Variants in STEAP4 observed in about 807,000 individuals in gnomAD.
STEAP4 encodes the protein metalloreductase STEAP4.
A neutral mutation model predicts 43.6 loss-of-function variants in STEAP4; 36 were observed. The ratio of observed to expected loss-of-function variants is 0.83; its 90% CI spans 0.63 to 1.09. The LOEUF is 1.09. STEAP4 is among the 50% of genes least tolerant of loss of function. STEAP4 has a pLI of 0.00. For synonymous variants in STEAP4, 191 were observed against 196.7 expected, an observed-to-expected ratio of 0.97 and a Z score of 0.24; for missense variants, 495 against 546.5, an observed-to-expected ratio of 0.91 and a Z score of 0.94.
At chr7:88,300,683 C>G (rs1853017381) in intron 1 of STEAP4, among the ~76,000 whole-genome samples, 1 of 151,392 alleles carries the variant, frequency 6.6e-6, no homozygotes, top group Non-Finnish European at 1.5e-5. Flanking sequence ...CTTTTTTTTT[C>G]CTTAGAGAGG....
intron 1 of STEAP4, 48 bp from the exon 2 acceptor site, chr7:88,284,319 C>A: frequency 1.5e-6 from 2 of 1,322,214 alleles, no homozygotes; most frequent in South Asian, 1.4e-5. Context: ...ATGCTCTGTG[C>A]CTGGAAAATT....
chr7:88,305,896 T>G (rs190285219), intron 1 of STEAP4, among the ~76,000 whole-genome samples: 28 of 152,300 alleles, frequency 1.8e-4, no homozygotes, highest in African/African-American at 1.4e-4. Context: ...AGGAATAGTA[T>G]TCTTCCTCCC....
intron 2 of STEAP4, chr7:88,283,452 T>C: frequency 2.1e-6 from 1 of 479,356 alleles, no homozygotes; most frequent in South Asian, 3.5e-5. Flanking sequence ...TCTGTGTTTG[T>C]GGTGCCGCAT....
intron 1 of STEAP4, among the ~76,000 whole-genome samples, chr7:88,293,243 T>C (rs769762181): frequency 1.3e-5 from 2 of 152,220 alleles, no homozygotes; most frequent in Non-Finnish European, 2.9e-5. Flanking sequence ...TTATTTGCTC[T>C]CTGTGTGTCC....
rs1852459980 is a variant in STEAP4 at position 88,273,041 on chromosome 7, A to T, written c.*6357T>A. The T allele has an allele frequency of 6.6e-6, 1 of 152,232 alleles. No individual in the cohort carries two copies. Among genetic ancestry groups the T allele is most frequent in the South Asian group, 2.1e-4 (1 of 4,832 alleles). 9.4% of individuals were successfully genotyped at this position (152,232 alleles called of 1,614,324 possible). On this transcript the variant is annotated 3_prime_UTR_variant, in exon 5 of 5. Coordinates refer to ENST00000380079, the MANE Select transcript of STEAP4 (RefSeq NM_024636.4). Reference sequence around the variant, plus strand: ...ATCCATGAGGTACATAGTCATGTTTATGTATGTACAATGTATAGTGATCAG... The same window carrying T: ...ATCCATGAGGTACATAGTCATGTTTTTGTATGTACAATGTATAGTGATCAG...
chr7:88,299,520 A>C (rs1489152784), intron 1 of STEAP4, among the ~76,000 whole-genome samples: 1 of 152,226 alleles, frequency 6.6e-6, no homozygotes, highest in Non-Finnish European at 1.5e-5. Flanking sequence ...CACTATCAGA[A>C]AAACAGCTCT....
Position 88,273,367 on chromosome 7 carries a change from C to A in STEAP4, c.*6031G>T, listed in dbSNP as rs895216758. On this transcript the variant is annotated 3_prime_UTR_variant, in exon 5 of 5. Coordinates refer to ENST00000380079, the MANE Select transcript of STEAP4 (RefSeq NM_024636.4). ...AAAAATCATAAGGCCAAGTTTAATT[C>A]TGGGTTTCTATTTTATCACAATCTG... 6 of 152,106 alleles carry A rather than the reference C, an allele frequency of 3.9e-5. No homozygotes were observed. Among genetic ancestry groups the A allele is most frequent in the African/African-American group, 1.4e-4 (6 of 41,420 alleles). 9.4% of individuals were successfully genotyped at this position (152,106 alleles called of 1,614,324 possible). A position where few individuals can be genotyped will look rare whatever the true frequency, so the allele number is the denominator to read the frequency against.
chr7:88,283,425 T>G (rs891044598), intron 2 of STEAP4: 2 of 493,430 alleles, frequency 4.1e-6, no homozygotes, highest in Non-Finnish European at 7.0e-6. Flanking sequence ...TTCTCCACAC[T>G]GTGAGTAGTT....
chr7:88,290,276 CT>C (rs1852814012), intron 1 of STEAP4: 1 of 152,108 alleles, frequency 6.6e-6, no homozygotes, highest in African/African-American at 2.4e-5. Flanking sequence ...CTATTTTTTG[CT>C]TTGCCTCTTA....
intron 2 of STEAP4, 171 bp from the exon 3 acceptor site, chr7:88,283,339 G>A (rs552531354): frequency 2.8e-6 from 2 of 724,422 alleles, no homozygotes; most frequent in South Asian, 2.6e-5. Flanking sequence ...ACTTGTATGT[G>A]GTGTCTTAGA....
Position 88,280,950 on chromosome 7 carries a change from T to C in STEAP4, c.1114A>G (p.Asn372Asp), listed in dbSNP as rs1486698718. The change falls in exon 4 of 5, where the codon AAT becomes GAT. Residue 372 changes from asparagine (N) to aspartate (D), a missense_variant. By Grantham distance (23) the Asn-to-Asp change is conservative. Transcript: ENST00000380079. ...LGITSLPSVS[N>D]AVNWREFRFV... is the part of the protein sequence containing the mutation. ...CGGAACTCTCTCCAGTTGACTGCATTGCTAACAGATGGCAAAGAAGTGATT... is the reference window on the plus strand; with the variant it reads ...CGGAACTCTCTCCAGTTGACTGCATCGCTAACAGATGGCAAAGAAGTGATT... The C allele has an allele frequency of 6.2e-7, 1 of 1,611,986 alleles. No homozygotes were observed. Among genetic ancestry groups the C allele is most frequent in the African/African-American group, 1.3e-5 (1 of 74,772 alleles).
chr7:88,294,573 G>C (rs941509297), intron 1 of STEAP4, among the ~76,000 whole-genome samples: 2 of 152,056 alleles, frequency 1.3e-5, no homozygotes, highest in African/African-American at 4.8e-5. Flanking sequence ...TGTGTAAGCA[G>C]CCTGGGGCCA....
chr7:88,285,470 A>C (rs1459645210), intron 1 of STEAP4, among the ~76,000 whole-genome samples: 1 of 152,132 alleles, frequency 6.6e-6, no homozygotes. Flanking sequence ...ATTAAATATT[A>C]AAATTTTTAT....
At position 88,283,815 on chromosome 7, in the gene STEAP4, T is replaced by A. The variant is rs1161986563; in HGVS notation, c.455A>T (p.Gln152Leu). Residue 152 changes from glutamine (Q) to leucine (L), a missense_variant and splice_region_variant, in exon 2 of 5, where the codon CAG (glutamine) becomes CTG (leucine). Gln to Leu is a moderately radical substitution (Grantham distance 113). Transcript: ENST00000380079. Reference protein sequence around the residue: ...LQSGALDASRQVFVCGNDSKA... With the variant: ...LQSGALDASRLVFVCGNDSKA... ...GAGTGTAAATTTGTTTATTCTTACC[T>A]GCCGACTTGCATCCAGTGCTCCTGA... 1 of 1,608,830 alleles carries A rather than the reference T, an allele frequency of 6.2e-7. No homozygotes were observed. The highest frequency in any genetic ancestry group is 2.2e-5 in the East Asian group (1 of 44,808).
chr7:88,282,108 G>A (rs113068704), intron 3 of STEAP4: 6 of 152,456 alleles, frequency 3.9e-5, no homozygotes, highest in African/African-American at 1.5e-4. Flanking sequence ...ATACAGATCT[G>A]GACCCAAGCG....
chr7:88,284,312 C>T (rs1563498135), intron 1 of STEAP4, 41 bp from the exon 2 acceptor site: 3 of 1,377,326 alleles, frequency 2.2e-6, no homozygotes, highest in Non-Finnish European at 2.0e-6. Flanking sequence ...AATATAAATG[C>T]TCTGTGCCTG....
rs200227072 is a variant in STEAP4, at chr7:88,283,986, A to G, written c.284T>C (p.Val95Ala). Residue 95 changes from valine to alanine, a missense_variant, in exon 2 of 5, where the codon GTT (valine) becomes GCT (alanine). Coordinates refer to ENST00000380079, the MANE Select transcript of STEAP4 (RefSeq NM_024636.4). ...HYDFLTELTE[V>A]LNGKILVDIS... ...GTCTACCAATATTTTTCCATTGAGA[A>G]CCTCAGTTAATTCTGTGAGAAAATC... is the stretch of plus-strand genomic sequence containing the variant. The G allele has an allele frequency of 2.6e-5, 42 of 1,613,530 alleles. No individual in the cohort carries two copies. The highest frequency in any genetic ancestry group is 3.4e-5 in the Non-Finnish European group (40 of 1,179,784).
At chr7:88,289,552 G>A (rs150820642) in intron 1 of STEAP4, among the ~76,000 whole-genome samples, 67 of 152,204 alleles carry the variant, frequency 4.4e-4, no homozygotes, top group African/African-American at 1.5e-3. Flanking sequence ...TATTCTTACC[G>A]GAGCTTATCT....
Position 88,278,160 on chromosome 7 carries a change from T to G in STEAP4, c.*1238A>C, listed in dbSNP as rs1852545707. The G allele has an allele frequency of 4.6e-5, 7 of 152,168 alleles. 1 individual carries two copies. Among genetic ancestry groups the G allele is most frequent in the Admixed American group, 4.6e-4 (7 of 15,290 alleles). 9.4% of individuals were successfully genotyped at this position (152,168 alleles called of 1,614,324 possible). A position where few individuals can be genotyped will look rare whatever the true frequency, so the allele number is the denominator to read the frequency against. ...GTGGGAAGATCATGCATAAGGCTCC[T>G]TTTAGCTCATTGCTTGAGCTAGGAA... On this transcript the variant is annotated 3_prime_UTR_variant, in exon 5 of 5. Coordinates refer to ENST00000380079, the MANE Select transcript of STEAP4 (RefSeq NM_024636.4).
Sources: allele counts gnomAD v4.1 joint callset (sites outside exome capture counted in the v4.1 genomes callset), GRCh38; gene constraint gnomAD v4.1.1; transcripts MANE v1.5; gene names NCBI Gene and HGNC (gene_info 2026-07-23, HGNC 2026-07-21).